The following KIF18B variants were observed in gnomAD, a reference collection of about 807,000 sequenced individuals.
KIF18B encodes the protein kinesin-like protein KIF18B.
KIF18B carries 49 observed loss-of-function variants against 80.9 expected under a neutral mutation model. That is an observed-to-expected ratio of 0.61 (90% CI 0.48 to 0.77). The LOEUF (loss-of-function observed/expected upper bound fraction) is 0.77. Among genes scored for constraint, KIF18B ranks in the 30% least tolerant of loss-of-function variants. The pLI, the probability that KIF18B is intolerant of heterozygous loss-of-function variation, is 0.00. For synonymous variants in KIF18B, 439 were observed against 463.9 expected (o/e 0.95, Z 0.69); for missense variants, 994 against 1,127.7 (o/e 0.88, Z 1.70).
chr17:44,933,781 C>T (rs1283274774), intron 7 of KIF18B, 142 bp downstream of exon 7: 2 of 817,378 alleles, frequency 2.4e-6, no homozygotes, highest in Non-Finnish European at 3.7e-6. Context: ...GCATGAGCCA[C>T]CATGTCCAGG....
At position 44,934,657 on chromosome 17, in the gene KIF18B, G is replaced by A. The variant is rs183089137; in HGVS notation, c.577-40C>T. The A allele has an allele frequency of 3.4e-4, 506 of 1,500,620 alleles. No homozygotes were observed. The highest frequency in any genetic ancestry group is 4.1e-4 in the Non-Finnish European group (451 of 1,112,492). 93.0% of individuals were successfully genotyped at this position (1,500,620 alleles called of 1,614,324 possible). A position where few individuals can be genotyped will look rare whatever the true frequency, so the allele number is the denominator to read the frequency against. ...CCCAGGAACGGGGCTGTGGGTTCCCGGATCAGGACTTTTCCCCTAACAGGA... is the reference window on the plus strand; with the variant it reads ...CCCAGGAACGGGGCTGTGGGTTCCCAGATCAGGACTTTTCCCCTAACAGGA... On this transcript the variant is annotated intron_variant, in intron 4 of 15. Transcript: ENST00000593135. This position sits in a 1 kb window ranked among gnomAD's most constrained non-coding sequence, Gnocchi z 5.4.
intron 1 of KIF18B, among the ~76,000 whole-genome samples, chr17:44,936,596 CTCTATATATATA>C (rs1162905933): frequency 3.0e-4 from 11 of 36,974 alleles, no homozygotes; most frequent in African/African-American, 4.3e-4. Context: ...CTCTCTCTCT[CTCTATATATATA>C]TATATATATA....
chr17:44,925,969 G>T lies in KIF18B; in HGVS notation c.*111C>A. On this transcript the variant is annotated 3_prime_UTR_variant, in exon 16 of 16. Transcript: ENST00000593135. ...GGTGTGTTGGCACTAATTGCTCCCAGGTAAGGAAGGCAGGTCCAGCTCCTG... is the reference window on the plus strand; with the variant it reads ...GGTGTGTTGGCACTAATTGCTCCCATGTAAGGAAGGCAGGTCCAGCTCCTG... 8.9e-7 allele frequency: 1 copy of T among 1,123,188 alleles called. No homozygotes were observed. Among genetic ancestry groups the T allele is most frequent in the Non-Finnish European group, 1.3e-6 (1 of 754,538 alleles). The allele number at this position is 1,123,188 out of a possible 1,614,324, so 69.6% of individuals were successfully genotyped here.
chr17:44,929,701 G>A (rs2052107215), intron 11 of KIF18B, among the ~76,000 whole-genome samples: 2 of 152,204 alleles, frequency 1.3e-5, no homozygotes, highest in African/African-American at 4.8e-5. Flanking sequence ...CCATCTTGCT[G>A]GTTAGGATAA....
intron 12 of KIF18B, 55 bp downstream of exon 12, chr17:44,928,764 G>T: frequency 6.4e-7 from 1 of 1,563,176 alleles, no homozygotes; most frequent in South Asian, 1.1e-5. Flanking sequence ...GGCCCCAGTG[G>T]GGCCTTGAAG....
At chr17:44,937,734 TATTTC>T (rs1168163398) in intron 1 of KIF18B, among the ~76,000 whole-genome samples, 1 of 152,170 alleles carries the variant, frequency 6.6e-6, no homozygotes, top group Non-Finnish European at 1.5e-5. Flanking sequence ...TCATACCCAA[TATTTC>T]ATTTCTTGTC....
chr17:44,945,113 G>T (rs1353832923), intron 1 of KIF18B, among the ~76,000 whole-genome samples: 1 of 152,302 alleles, frequency 6.6e-6, no homozygotes, highest in East Asian at 1.9e-4. Context: ...AGGGTAGAGT[G>T]CAGTGGCGCG....
In KIF18B at chr17:44,935,376, G is replaced by A. The variant is rs1387607366; in HGVS notation, c.354C>T (p.Thr118=). The change falls in exon 3 of 16, where the codon ACC becomes ACT. Residue 118 remains threonine, a synonymous_variant. Coordinates refer to ENST00000593135, the MANE Select transcript of KIF18B (RefSeq NM_001265577.2). ...CGGGGTCCCCCTCCCTTCCCAGCATGGTGTGTGTCTTCCCAGCCCCGGTGG... is the reference window on the plus strand; with the variant it reads ...CGGGGTCCCCCTCCCTTCCCAGCATAGTGTGTGTCTTCCCAGCCCCGGTGG... ...YGATGAGKTH[T]MLGREGDPGI... 4 of 1,613,164 alleles carry A rather than the reference G, an allele frequency of 2.5e-6. No individual in the cohort carries two copies. The Admixed American group carries it at 6.7e-5, about 27-fold the overall frequency.
intron 1 of KIF18B, among the ~76,000 whole-genome samples, chr17:44,939,089 T>C (rs1714803248): frequency 7.2e-6 from 1 of 139,792 alleles, no homozygotes; most frequent in Admixed American, 7.2e-5. Flanking sequence ...CATGAATTTG[T>C]GCCGGGTGCG....
intron 9 of KIF18B, 52 bp downstream of exon 9, chr17:44,932,619 TCC>T: frequency 1.1e-6 from 1 of 942,918 alleles, no homozygotes; most frequent in South Asian, 1.3e-5. Context: ...AGGGCCTGGC[TCC>T]CCATCCTGGC....
intron 11 of KIF18B, among the ~76,000 whole-genome samples, chr17:44,931,325 C>A (rs1461497843): frequency 1.3e-5 from 2 of 152,212 alleles, no homozygotes; most frequent in East Asian, 3.8e-4. Flanking sequence ...TAAGCCCCAG[C>A]CGCCCTGCCC....
intron 1 of KIF18B, among the ~76,000 whole-genome samples, chr17:44,936,610 A>G (rs1330440131): frequency 1.2e-4 from 9 of 74,276 alleles, no homozygotes; most frequent in African/African-American, 4.6e-4. Flanking sequence ...ATATATATAT[A>G]TATATATATA....
At chr17:44,944,598 T>C (rs2052479295) in intron 1 of KIF18B, among the ~76,000 whole-genome samples, 1 of 152,182 alleles carries the variant, frequency 6.6e-6, no homozygotes, top group Admixed American at 6.6e-5. Flanking sequence ...ATAGACCCAA[T>C]ATGTTTTCTC....
intron 1 of KIF18B, among the ~76,000 whole-genome samples, chr17:44,942,002 C>T (rs986946676): frequency 2.4e-4 from 36 of 152,058 alleles, no homozygotes; most frequent in African/African-American, 8.0e-4. Flanking sequence ...GCATAGCCGC[C>T]GCTAGGATGC....
chr17:44,936,588 CTCTCTCTCTCTATATATATATA>C (rs1295187489), intron 1 of KIF18B, among the ~76,000 whole-genome samples: 8 of 58,638 alleles, frequency 1.4e-4, no homozygotes, highest in African/African-American at 5.4e-4. Flanking sequence ...CTCTCTCTCT[CTCTCTCTCTCTATATATATATA>C]TATATATATA....
In KIF18B at chr17:44,928,848, G is replaced by A; in HGVS notation, c.1694C>T (p.Pro565Leu). 1 of 1,613,848 alleles carries A rather than the reference G, an allele frequency of 6.2e-7. No individual in the cohort carries two copies. Among genetic ancestry groups the A allele is most frequent in the Non-Finnish European group, 8.5e-7 (1 of 1,179,832 alleles). ...LRTSGLARGAPLAQELCSESI... is the reference protein window; with the variant it reads ...LRTSGLARGALLAQELCSESI... ...CTCTGAACACAGCTCCTGAGCCAGA[G>A]GTGCCCCCCTGGCCAGGCCTGAAGT... is the stretch of plus-strand genomic sequence containing the variant. Residue 565 changes from proline to leucine, a missense_variant, in exon 12 of 16, where the codon CCT becomes CTT. By Grantham distance (98) the Pro-to-Leu change is moderately conservative. Transcript: ENST00000593135.
At chr17:44,926,847 G>T in intron 14 of KIF18B, 142 bp downstream of exon 14, 1 of 718,822 alleles carries the variant, frequency 1.4e-6, no homozygotes, top group Non-Finnish European at 2.4e-6. Context: ...AACTAGATGC[G>T]GGCCCTGCTC....
In KIF18B at chr17:44,926,147, T is replaced by C. The variant is rs910482271; in HGVS notation, c.2492A>G (p.Asn831Ser). 7 of 1,613,870 alleles carry C rather than the reference T, an allele frequency of 4.3e-6. No individual in the cohort carries two copies. The highest frequency in any genetic ancestry group is 1.3e-5 in the African/African-American group (1 of 74,992). ...CCCCACCCTGATGAGGTCCTTTCCA[T>C]TCCTCCGGTTGCTAGGGCACAGGGG... Reference protein sequence around the residue: ...LSPLCPSNRRNGKDLIRVGRA... With the variant: ...LSPLCPSNRRSGKDLIRVGRA... Residue 831 changes from asparagine to serine, a missense_variant, in exon 16 of 16, where the codon AAT becomes AGT. Asn to Ser is a conservative substitution (Grantham distance 46, BLOSUM62 1). Transcript: ENST00000593135.
chr17:44,935,209 C>A, intron 3 of KIF18B, 50 bp downstream of exon 3: 6 of 1,521,704 alleles, frequency 3.9e-6, no homozygotes, highest in Non-Finnish European at 5.3e-6. Context: ...CATGGGCTCA[C>A]TTCCCCCCGG....
Sources: allele counts gnomAD v4.1 joint callset (sites outside exome capture counted in the v4.1 genomes callset), GRCh38; gene constraint gnomAD v4.1.1; non-coding constraint Gnocchi (gnomAD v3.1); transcripts MANE v1.5; gene names NCBI Gene and HGNC (gene_info 2026-07-23, HGNC 2026-07-21).